Variants in TTN observed in about 807,000 individuals in gnomAD.
TTN encodes connectin.
TTN carries 1,525 observed loss-of-function variants against 3,223.0 expected under a neutral mutation model. The ratio of observed to expected loss-of-function variants is 0.47; its 90% confidence interval spans 0.45 to 0.49. TTN has a LOEUF of 0.49. Among genes scored for constraint, TTN ranks in the 20% least tolerant of loss-of-function variants. The probability of loss-of-function intolerance (pLI) is 0.00; values close to 1 mark genes in which losing one functional copy is unlikely to be tolerated. For synonymous variants in TTN, 14,094 were observed against 15,161.0 expected (o/e 0.93, Z 5.17); for missense variants, 40,786 against 43,424.0 (o/e 0.94, Z 5.40).
In TTN at chr2:178,541,173, C is replaced by T. The variant is rs1694342266; in HGVS notation, c.97795+109G>A. Reference sequence around the variant, plus strand: ...CACATTTTGATTGTGGTGGTGATTACAAAACAGTACATTTTTCAAAAGTCA... The same window carrying T: ...CACATTTTGATTGTGGTGGTGATTATAAAACAGTACATTTTTCAAAAGTCA... On this transcript the variant is annotated intron_variant, in intron 350 of 362. Transcript: ENST00000589042. 12 of 1,114,444 alleles carry T rather than the reference C, an allele frequency of 1.1e-5. No homozygotes were observed. The South Asian group carries it at 2.5e-4, about 23-fold the overall frequency. 69.0% of individuals were successfully genotyped at this position (1,114,444 alleles called of 1,614,324 possible).
At chr2:178,737,273 G>A (rs2081637122) in intron 49 of TTN, 2 of 151,872 alleles carry the variant, frequency 1.3e-5, no homozygotes, top group South Asian at 4.2e-4. Flanking sequence ...TTGGGAATAG[G>A]ATATTTGTGT....
At chr2:178,652,806 G>T (rs758671674) in intron 200 of TTN, 42 bp downstream of exon 200, 1 of 1,606,736 alleles carries the variant, frequency 6.2e-7, no homozygotes, top group Admixed American at 1.7e-5. Flanking sequence ...TTCAAGAATA[G>T]AGGAGTTTGA....
At position 178,527,688 on chromosome 2, in the gene TTN, T is replaced by C; in HGVS notation, c.107438A>G (p.Gln35813Arg). ...GACTGACTGAGACGAGAAGCTTCCT[T>C]GCAAGCTTGTGTCACCACTTGTTCT... ...VLRTSGDTSL[Q>R]GSFSSQSVQM... Residue 35813 changes from glutamine to arginine, a missense_variant, in exon 362 of 363, where the codon CAA (glutamine) becomes CGA (arginine). By Grantham distance (43) the Gln-to-Arg change is conservative (BLOSUM62 1). Coordinates refer to ENST00000589042, the MANE Select transcript of TTN (RefSeq NM_001267550.2). 6.2e-7 allele frequency: 1 copy of C among 1,613,190 alleles called. No homozygotes were observed. The highest frequency in any genetic ancestry group is 1.7e-5 in the Admixed American group (1 of 60,006).
Position 178,636,178 on chromosome 2 carries a change from A to G in TTN, c.41393T>C (p.Leu13798Ser), listed in dbSNP as rs779304267. ...TTTGTTTAACTCGCAGCTCAAGTACAATGGCTGTCCTTTGACCACTGTGAC... is the reference window on the plus strand; with the variant it reads ...TTTGTTTAACTCGCAGCTCAAGTACGATGGCTGTCCTTTGACCACTGTGAC... ...EEVTVVKGQP[L>S]YLSCELNKER... Residue 13798 changes from leucine (L) to serine (S), a missense_variant, in exon 226 of 363, where the codon TTG becomes TCG. Transcript: ENST00000589042. This position sits in a 1 kb window ranked among gnomAD's most constrained non-coding sequence, Gnocchi z 4.3. 1 of 1,612,160 alleles carries G rather than the reference A, an allele frequency of 6.2e-7. No homozygotes were observed. The highest frequency in any genetic ancestry group is 8.5e-7 in the Non-Finnish European group (1 of 1,178,974).
At chr2:178,540,421 A>G in intron 350 of TTN, 51 bp from the exon 351 acceptor site, 1 of 1,437,380 alleles carries the variant, frequency 7.0e-7, no homozygotes, top group Non-Finnish European at 9.5e-7. Flanking sequence ...AAAGTTGAAA[A>G]TTAGCTGTGC....
intron 347 of TTN, 33 bp downstream of exon 347, chr2:178,543,036 C>CTTTTTTTTTT: frequency 7.2e-7 from 1 of 1,392,068 alleles, no homozygotes; most frequent in Non-Finnish European, 9.6e-7. Context: ...TTTTACTTTA[C>CTTTTTTTTTT]TTTTTTTTTT....
chr2:178,553,830 A>G (rs1559222354), intron 333 of TTN, 23 bp from the exon 334 acceptor site: 1 of 1,567,298 alleles, frequency 6.4e-7, no homozygotes, highest in Non-Finnish European at 8.6e-7. Context: ...TTCACAATAA[A>G]ATAATTACAC....
chr2:178,741,554 C>T lies in TTN; in HGVS notation c.11679G>A (p.Met3893Ile). Reference protein sequence around the residue: ...KLEDEGEYTCMASNDYGKTIC... With the variant: ...KLEDEGEYTCIASNDYGKTIC... Reference sequence around the variant, plus strand: ...TTGTCTTTCCATAGTCATTACTGGCCATACATGTATACTCTCCCTCATCCT... The same window carrying T: ...TTGTCTTTCCATAGTCATTACTGGCTATACATGTATACTCTCCCTCATCCT... Residue 3893 changes from methionine (M) to isoleucine (I), a missense_variant, in exon 48 of 363, where the codon ATG (methionine) becomes ATA (isoleucine). Coordinates refer to ENST00000589042, the MANE Select transcript of TTN (RefSeq NM_001267550.2). 1.2e-6 allele frequency: 2 copies of T among 1,613,772 alleles called. No homozygotes were observed. Among genetic ancestry groups the T allele is most frequent in the Non-Finnish European group, 1.7e-6 (2 of 1,179,806 alleles).
Position 178,528,776 on chromosome 2 carries a change from C to T in TTN, c.106975G>A (p.Asp35659Asn), listed in dbSNP as rs878992336. 7.4e-6 allele frequency: 12 copies of T among 1,612,346 alleles called. No homozygotes were observed. The highest frequency in any genetic ancestry group is 1.6e-4 in the Middle Eastern group (1 of 6,074). The change falls in exon 360 of 363, where the codon GAT becomes AAT. Residue 35659 changes from aspartate (D) to asparagine (N), a missense_variant. Asp to Asn is a conservative substitution (Grantham distance 23, BLOSUM62 1). Transcript: ENST00000589042. ...EEYRYGVSGS[D>N]QTLTIKQASH... ...GCTTGCTTGATGGTTAGGGTCTGAT[C>T]GCTGCCTGAGACACCATATCGGTAC...
chr2:178,799,596 G>T lies in TTN; in HGVS notation c.805C>A (p.Pro269Thr), dbSNP rs886042591. ...PKPKSRSPTPPSIAAKAQLAR... is the reference protein window; with the variant it reads ...PKPKSRSPTPTSIAAKAQLAR... ...AGCTGTGCTTTGGCAGCAATAGACG[G>T]TGGTGTTGGGGATCTTGACTTTGGC... Residue 269 changes from proline to threonine, a missense_variant, in exon 6 of 363, where the codon CCG (proline) becomes ACG (threonine). By Grantham distance (38) the Pro-to-Thr change is conservative (BLOSUM62 -1). Transcript: ENST00000589042. 1 of 1,614,172 alleles carries T rather than the reference G, an allele frequency of 6.2e-7. No homozygotes were observed. Among genetic ancestry groups the T allele is most frequent in the Non-Finnish European group, 8.5e-7 (1 of 1,180,020 alleles).
chr2:178,612,316 T>C lies in TTN; in HGVS notation c.50209A>G (p.Thr16737Ala). The C allele has an allele frequency of 6.2e-7, 1 of 1,612,610 alleles. No homozygotes were observed. The highest frequency in any genetic ancestry group is 8.5e-7 in the Non-Finnish European group (1 of 1,179,192). The change falls in exon 266 of 363, where the codon ACC (threonine) becomes GCC (alanine). Residue 16737 changes from threonine to alanine, a missense_variant. By Grantham distance (58) the Thr-to-Ala change is moderately conservative (BLOSUM62 0). Transcript: ENST00000589042. ...GCCAGCACAGAGTCCTCAATTTCGG[T>C]GTAGTCGCTTTGTCCTATAGCATTT... is the stretch of plus-strand genomic sequence containing the variant. ...AENAIGQSDY[T>A]EIEDSVLAKD...
At position 178,675,704 on chromosome 2, in the gene TTN, C is replaced by T; in HGVS notation, c.34504G>A (p.Gly11502Ser). ...GGAGGGGCCACTGCTTTCTTAAGAC[C>T]AGGAGGAGGGACCTTCTTTTCTGGC... The part of the protein sequence containing the change: ...PEPEKKVPPP[G>S]LKKAVAPPAK... The change falls in exon 149 of 363, where the codon GGT becomes AGT. Residue 11502 changes from glycine (G) to serine (S), a missense_variant. By Grantham distance (56) the Gly-to-Ser change is moderately conservative. Transcript: ENST00000589042. 1 of 1,424,590 alleles carries T rather than the reference C, an allele frequency of 7.0e-7. No individual in the cohort carries two copies. Among genetic ancestry groups the T allele is most frequent in the South Asian group, 1.6e-5 (1 of 60,698 alleles). 88.2% of individuals were successfully genotyped at this position (1,424,590 alleles called of 1,614,324 possible).
chr2:178,746,003 C>G, intron 47 of TTN: 1 of 1,613,148 alleles, frequency 6.2e-7, no homozygotes, highest in Non-Finnish European at 8.5e-7. Flanking sequence ...GGTGAGGAAT[C>G]CCCGACAGAT....
intron 321 of TTN, 49 bp downstream of exon 321, chr2:178,578,562 T>C (rs1406792241): frequency 2.2e-6 from 3 of 1,390,030 alleles, no homozygotes; most frequent in Admixed American, 1.9e-5. Context: ...GGGAAATATT[T>C]GTGAGGAATC....
At chr2:178,558,296 A>C in intron 327 of TTN, 45 bp downstream of exon 327, 1 of 1,592,804 alleles carries the variant, frequency 6.3e-7, no homozygotes, top group Non-Finnish European at 8.5e-7. Flanking sequence ...ACATAAATCA[A>C]TGCAAATAAT....
At chr2:178,650,664 A>G (rs2062777300) in intron 209 of TTN, 87 bp downstream of exon 209, 5 of 1,239,992 alleles carry the variant, frequency 4.0e-6, no homozygotes, top group Non-Finnish European at 5.6e-6. Context: ...TGACCAAGAA[A>G]TAATGAGTTA....
intron 316 of TTN, chr2:178,580,829 C>T (rs181172545): frequency 1.3e-5 from 7 of 531,366 alleles, no homozygotes; most frequent in South Asian, 5.1e-5. Context: ...GTTTTCCCCC[C>T]GGAGGATCTG....
Position 178,704,696 on chromosome 2 carries a change from T to C in TTN, c.29776A>G (p.Asn9926Asp). Residue 9926 changes from asparagine to aspartate, a missense_variant, in exon 105 of 363, where the codon AAT (asparagine) becomes GAT (aspartate). Coordinates refer to ENST00000589042, the MANE Select transcript of TTN (RefSeq NM_001267550.2). The part of the protein sequence containing the change: ...DAVFEIDIKI[N>D]YPEIKLSWYK... ...CACGAAAGCTTGATTTCTGGATAAT[T>C]AATTTTAATGTCAATTTCAAAGACA... 1 of 1,611,722 alleles carries C rather than the reference T, an allele frequency of 6.2e-7. No individual in the cohort carries two copies. Among genetic ancestry groups the C allele is most frequent in the Non-Finnish European group, 8.5e-7 (1 of 1,179,086 alleles).
intron 336 of TTN, chr2:178,550,620 T>G (rs1432320841): frequency 2.5e-6 from 1 of 406,024 alleles, no homozygotes; most frequent in African/African-American, 2.1e-5. Flanking sequence ...AGGGGATGAT[T>G]GTGTTGTTGG....
Sources: allele counts gnomAD v4.1 joint callset, GRCh38; gene constraint gnomAD v4.1.1; non-coding constraint Gnocchi (gnomAD v3.1); transcripts MANE v1.5; gene names NCBI Gene and HGNC (gene_info 2026-07-23, HGNC 2026-07-21).